Variants in HMGCL observed in about 807,000 individuals in gnomAD.
HMGCL encodes 3-hydroxy-3-methylglutaryl-CoA lyase, also known as hydroxymethylglutaryl-CoA lyase, mitochondrial.
A neutral mutation model predicts 37.3 loss-of-function variants in HMGCL; 26 were observed. That is an observed-to-expected ratio of 0.70 (90% CI 0.51 to 0.97). The LOEUF (loss-of-function observed/expected upper bound fraction) is 0.97. Among genes scored for constraint, HMGCL ranks in the 50% least tolerant of loss-of-function variants. The pLI is 0.00. For missense variants in HMGCL, 379 were observed against 398.1 expected (o/e 0.95, Z 0.41); for synonymous variants, 151 against 148.0 (o/e 1.02, Z -0.15).
At chr1:23,817,198 G>C (rs1455977017) in intron 3 of HMGCL, among the ~76,000 whole-genome samples, 1 of 152,212 alleles carries the variant, frequency 6.6e-6, no homozygotes, top group Non-Finnish European at 1.5e-5. Flanking sequence ...CAGGCATAGA[G>C]GGTTTTAGAC....
At chr1:23,816,636 C>A in intron 4 of HMGCL, 39 bp downstream of exon 4, 1 of 1,217,484 alleles carries the variant, frequency 8.2e-7, no homozygotes, top group Non-Finnish European at 1.2e-6. Flanking sequence ...TGCCATCAAT[C>A]TCATTTCAGG....
chr1:23,825,251 C>T, intron 1 of HMGCL, 105 bp downstream of exon 1: 1 of 906,706 alleles, frequency 1.1e-6, no homozygotes. Context: ...GGCCTGAGAG[C>T]TGTCCGGCCT....
Position 23,804,447 on chromosome 1 carries a change from C to A in HMGCL, c.829G>T (p.Ala277Ser). 6.2e-7 allele frequency: 1 copy of A among 1,614,188 alleles called. No homozygotes were observed. Among genetic ancestry groups the A allele is most frequent in the Non-Finnish European group, 8.5e-7 (1 of 1,180,036 alleles). The change falls in exon 8 of 9, where the codon GCC becomes TCC. Residue 277 changes from alanine (A) to serine (S), a missense_variant. By Grantham distance (99) the Ala-to-Ser change is moderately conservative. Coordinates refer to ENST00000374490, the MANE Select transcript of HMGCL (RefSeq NM_000191.3). ...PYAQGASGNL[A>S]TEDLVYMLEG... ...AGCATGTAGACCAGGTCTTCTGTGG[C>A]CAAGTTTCCTGATGCCCCCTGTGCG...
intron 5 of HMGCL, chr1:23,813,850 C>G (rs1638566372): frequency 2.7e-6 from 1 of 373,556 alleles, no homozygotes; most frequent in Non-Finnish European, 5.1e-6. Flanking sequence ...TCCTGTCCTG[C>G]TAGATTCCTT....
intron 6 of HMGCL, chr1:23,810,379 T>G (rs1350006955): frequency 3.1e-6 from 1 of 326,824 alleles, no homozygotes; most frequent in East Asian, 7.2e-5. Context: ...GTTGACCTGG[T>G]GACTGTTCAG....
intron 5 of HMGCL, among the ~76,000 whole-genome samples, chr1:23,812,652 A>G (rs1235219522): frequency 6.6e-6 from 1 of 152,124 alleles, no homozygotes; most frequent in Non-Finnish European, 1.5e-5. Context: ...AGCACGTGCA[A>G]AGGCCCAGAG....
rs752969194 is a variant in HMGCL at position 23,820,570 on chromosome 1, A to G, written c.84T>C (p.Thr28=). 32 of 1,613,970 alleles carry G rather than the reference A, an allele frequency of 2.0e-5. No individual in the cohort carries two copies. Among genetic ancestry groups the G allele is most frequent in the Middle Eastern group, 3.3e-4 (2 of 6,082 alleles). Residue 28 remains threonine (T), a synonymous_variant, in exon 2 of 9, where the codon ACT becomes ACC. Transcript: ENST00000374490. ...LRAVSTSSMG[T]LPKRVKIVEV... ...CCACAATTTTCACCCGCTTTGGTAA[A>G]GTGCCCATAGATGAGGTGCTGACCT... is the stretch of plus-strand genomic sequence containing the variant.
rs542007577 is a variant in HMGCL, at chr1:23,814,162, G to T, written c.497+28C>A. ...AGCCCCATTCCAGAACGGTACAGAGGAAAGGATACCAATGTGCTCTGACTC... is the reference window on the plus strand; with the variant it reads ...AGCCCCATTCCAGAACGGTACAGAGTAAAGGATACCAATGTGCTCTGACTC... On this transcript the variant is annotated intron_variant, in intron 5 of 8. Transcript: ENST00000374490. The T allele has an allele frequency of 3.7e-6, 6 of 1,612,296 alleles. No individual in the cohort carries two copies. The African/African-American group carries it at 8.0e-5, about 22-fold the overall frequency.
At chr1:23,813,067 T>A (rs1264651170) in intron 5 of HMGCL, among the ~76,000 whole-genome samples, 1 of 151,574 alleles carries the variant, frequency 6.6e-6, no homozygotes, top group Non-Finnish European at 1.5e-5. Flanking sequence ...TTTTTGTATT[T>A]TTAGTAGAGA....
chr1:23,806,045 G>A lies in HMGCL; in HGVS notation c.751-1520C>T, dbSNP rs981628859. On this transcript the variant is annotated intron_variant, in intron 7 of 8. Coordinates refer to ENST00000374490, the MANE Select transcript of HMGCL (RefSeq NM_000191.3). The surrounding 1 kb of genome is among the most constrained non-coding windows in gnomAD (Gnocchi z 4.0). Reference sequence around the variant, plus strand: ...CAAATCACTGCAACCTCCACCTCCCGGGCTCAAGTGATTCTCATGCCTCAG... The same window carrying A: ...CAAATCACTGCAACCTCCACCTCCCAGGCTCAAGTGATTCTCATGCCTCAG... Among the ~76,000 whole-genome samples the A allele has an allele frequency of 6.6e-6, 1 of 151,562 alleles. No individual in the cohort carries two copies. Among genetic ancestry groups the A allele is most frequent in the African/African-American group, 2.4e-5 (1 of 41,232 alleles).
rs373738626 is a variant in HMGCL, at chr1:23,817,544, T to C, written c.184A>G (p.Met62Val). The change falls in exon 3 of 9, where the codon ATG becomes GTG. Residue 62 changes from methionine (M) to valine (V), a missense_variant. By Grantham distance (21) the Met-to-Val change is conservative (BLOSUM62 1). Coordinates refer to ENST00000374490, the MANE Select transcript of HMGCL (RefSeq NM_000191.3). ...STPVKIKLID[M>V]LSEAGLSVIE... ...ACAGAGAGTCCTGCTTCAGAAAGCATGTCTATCAGCTTGATTTTCACTGGA... is the reference window on the plus strand; with the variant it reads ...ACAGAGAGTCCTGCTTCAGAAAGCACGTCTATCAGCTTGATTTTCACTGGA... 2.6e-5 allele frequency: 42 copies of C among 1,613,486 alleles called. No homozygotes were observed. Among genetic ancestry groups the C allele is most frequent in the Admixed American group, 1.0e-4 (6 of 59,988 alleles).
chr1:23,816,913 C>T lies in HMGCL; in HGVS notation c.253-143G>A, dbSNP rs1416131404. The T allele has an allele frequency of 1.4e-5, 10 of 711,208 alleles. No individual in the cohort carries two copies. The Admixed American group carries it at 2.0e-4, about 14-fold the overall frequency. 44.1% of individuals were successfully genotyped at this position (711,208 alleles called of 1,614,324 possible). ...TCTGCAGAGCTGAGTCTCTCCAATA[C>T]TTTTACTGTTTGTTTGACTGCTGAT... On this transcript the variant is annotated intron_variant, in intron 3 of 8. Coordinates refer to ENST00000374490, the MANE Select transcript of HMGCL (RefSeq NM_000191.3).
intron 7 of HMGCL, chr1:23,807,141 G>T (rs759070952): frequency 1.9e-6 from 1 of 518,916 alleles, no homozygotes; most frequent in African/African-American, 1.9e-5. Context: ...ATGAAGTTTT[G>T]CCTCAGACTC....
chr1:23,806,048 C>T lies in HMGCL; in HGVS notation c.751-1523G>A, dbSNP rs1638404155. ...ATCACTGCAACCTCCACCTCCCGGG[C>T]TCAAGTGATTCTCATGCCTCAGCCT... On this transcript the variant is annotated intron_variant, in intron 7 of 8. Coordinates refer to ENST00000374490, the MANE Select transcript of HMGCL (RefSeq NM_000191.3). This position sits in a 1 kb window ranked among gnomAD's most constrained non-coding sequence, Gnocchi z 4.0. Among the ~76,000 whole-genome samples the T allele has an allele frequency of 6.6e-6, 1 of 152,052 alleles. No homozygotes were observed. The highest frequency in any genetic ancestry group is 2.4e-5 in the African/African-American group (1 of 41,402).
chr1:23,822,843 G>A (rs1295118330), intron 1 of HMGCL, among the ~76,000 whole-genome samples: 1 of 152,146 alleles, frequency 6.6e-6, no homozygotes, highest in Admixed American at 6.6e-5. Context: ...CATAATAGGG[G>A]CTCGATAAAT....
intron 1 of HMGCL, among the ~76,000 whole-genome samples, chr1:23,822,488 T>TTCC (rs1200797661): frequency 1.3e-5 from 2 of 152,206 alleles, no homozygotes; most frequent in African/African-American, 2.4e-5. Context: ...TCTGGATAAA[T>TTCC]ATACTACAAC....
At chr1:23,814,003 G>A in intron 5 of HMGCL, 187 bp downstream of exon 5, 1 of 676,084 alleles carries the variant, frequency 1.5e-6, no homozygotes, top group South Asian at 1.7e-5. Flanking sequence ...CCAAAATTCA[G>A]GTTTGAGAGA....
At chr1:23,820,987 T>C (rs1002653039) in intron 1 of HMGCL, among the ~76,000 whole-genome samples, 4 of 152,236 alleles carry the variant, frequency 2.6e-5, no homozygotes, top group South Asian at 2.1e-4. Flanking sequence ...CAGAACTTCA[T>C]TGAGCCATTT....
chr1:23,801,929 A>T lies in HMGCL; in HGVS notation c.*534T>A, dbSNP rs1337388476. 1 of 422,662 alleles carries T rather than the reference A, an allele frequency of 2.4e-6. No individual in the cohort carries two copies. The highest frequency in any genetic ancestry group is 2.0e-5 in the African/African-American group (1 of 49,350). The allele number at this position is 422,662 out of a possible 1,614,324, so 26.2% of individuals were successfully genotyped here. ...CTTTAATTACATAAGCTGTTTTCAA[A>T]AATCACATTCAGCGTGGAGATTTTC... On this transcript the variant is annotated 3_prime_UTR_variant, in exon 9 of 9. Transcript: ENST00000374490.
Sources: allele counts gnomAD v4.1 joint callset (sites outside exome capture counted in the v4.1 genomes callset), GRCh38; gene constraint gnomAD v4.1.1; non-coding constraint Gnocchi (gnomAD v3.1); transcripts MANE v1.5; gene names NCBI Gene and HGNC (gene_info 2026-07-23, HGNC 2026-07-21).